NCOR2: variants seen among roughly 807,000 people sequenced by gnomAD.
The protein encoded by NCOR2 is nuclear receptor corepressor 2, also known as CTG repeat protein 26.
NCOR2 carries 81 observed loss-of-function variants against 262.9 expected under a neutral mutation model. That is an observed-to-expected ratio of 0.31 (90% CI 0.26 to 0.37). The LOEUF (loss-of-function observed/expected upper bound fraction) is 0.37. NCOR2 is among the 10% of genes least tolerant of loss of function. NCOR2 has a pLI of 1.00. For missense variants in NCOR2, 3,385 were observed against 3,621.4 expected (o/e 0.93, Z 1.68); for synonymous variants, 1,659 against 1,559.3 (o/e 1.06, Z -1.51).
Position 124,481,395 on chromosome 12 carries a change from C to T in NCOR2, c.411+2201G>A, listed in dbSNP as rs1306982071. Among the ~76,000 whole-genome samples, 1 of 152,174 alleles carries T rather than the reference C, an allele frequency of 6.6e-6. No homozygotes were observed. Among genetic ancestry groups the T allele is most frequent in the Non-Finnish European group, 1.5e-5 (1 of 68,006 alleles). ...GCAGGGCCCCTGTGGCTGAATCTCACACCCCAGGAGGACGTGGTGGGGCTG... is the reference window on the plus strand; with the variant it reads ...GCAGGGCCCCTGTGGCTGAATCTCATACCCCAGGAGGACGTGGTGGGGCTG... On this transcript the variant is annotated intron_variant, in intron 3 of 46. Transcript: ENST00000405201. This position sits in a 1 kb window ranked among gnomAD's most constrained non-coding sequence, Gnocchi z 4.6.
chr12:124,351,422 C>T (rs1272988094), intron 27 of NCOR2, among the ~76,000 whole-genome samples: 1 of 152,208 alleles, frequency 6.6e-6, no homozygotes, highest in African/African-American at 2.4e-5. Context: ...TAACAGCATC[C>T]CTGGCTTCAA....
At chr12:124,415,353 G>A (rs1593435553) in intron 13 of NCOR2, among the ~76,000 whole-genome samples, 2 of 152,368 alleles carry the variant, frequency 1.3e-5, no homozygotes, top group South Asian at 2.1e-4. Flanking sequence ...AGACAGAGAC[G>A]CTCAGCTGGC....
exon 15 of NCOR2, chr12:124,400,562 G>A (rs774588269): frequency 2.5e-6 from 4 of 1,614,238 alleles, no homozygotes; most frequent in South Asian, 1.1e-5. Flanking sequence ...TAGCCATTGA[G>A]CGGGTGATGC....
At chr12:124,480,718 GGGCCAAGCA>G (rs2047408429) in intron 3 of NCOR2, among the ~76,000 whole-genome samples, 25 of 151,908 alleles carry the variant, frequency 1.6e-4, no homozygotes, top group Admixed American at 1.5e-3. Flanking sequence ...AAATGGCCAC[GGGCCAAGCA>G]CCCCCAGGCG....
chr12:124,498,422 G>A (rs1435924484), upstream of NCOR2, among the ~76,000 whole-genome samples: 3 of 152,056 alleles, frequency 2.0e-5, no homozygotes, highest in East Asian at 5.8e-4. Context: ...ACCTACCAAG[G>A]GGTTCCCCCA....
Position 124,325,380 on chromosome 12 carries a change from C to CCCA in NCOR2, c.*21_*22insTGG, listed in dbSNP as rs1555297235. On this transcript the variant is annotated 3_prime_UTR_variant, in exon 47 of 47. Coordinates refer to ENST00000405201, the Ensembl canonical transcript of NCOR2. Reference sequence around the variant, plus strand: ...TGGCTCGCTGGGACCTGACACCGCCCCCCCCCCCGCCCTGTTCTGAGTCAC... The same window carrying CCCA: ...TGGCTCGCTGGGACCTGACACCGCCCCCACCCCCCCCGCCCTGTTCTGAGTCAC... The CCCA allele has an allele frequency of 7.6e-5, 25 of 327,320 alleles. 1 individual carries two copies. Among genetic ancestry groups the CCCA allele is most frequent in the South Asian group, 3.2e-4 (3 of 9,496 alleles). The allele number at this position is 327,320 out of a possible 1,614,324, so 20.3% of individuals were successfully genotyped here. A position where few individuals can be genotyped will look rare whatever the true frequency, so the allele number is the denominator to read the frequency against.
rs538687556 is a variant in NCOR2, at chr12:124,340,530, T to G, written c.5338+72A>C. Reference sequence around the variant, plus strand: ...CTGGGGTGGGAAAGAGAGCAGGGCTTCTGCCCGCCCATCCCCCAGCCGCCT... The same window carrying G: ...CTGGGGTGGGAAAGAGAGCAGGGCTGCTGCCCGCCCATCCCCCAGCCGCCT... On this transcript the variant is annotated intron_variant, in intron 35 of 46. Transcript: ENST00000405201. The G allele has an allele frequency of 4.3e-4, 660 of 1,545,136 alleles. 2 individuals are homozygous for G. The African/African-American group carries it at 8.1e-3, about 19-fold the overall frequency.
intron 1 of NCOR2, among the ~76,000 whole-genome samples, chr12:124,501,064 A>ACGCG (rs770038837): frequency 0.093 from 1,212 of 12,968 alleles, 8 homozygotes; most frequent in Middle Eastern, 0.18. Context: ...GCACGCGCGC[A>ACGCG]CACACACACA....
At chr12:124,442,284 C>A (rs1415348537) in intron 7 of NCOR2, among the ~76,000 whole-genome samples, 2 of 152,176 alleles carry the variant, frequency 1.3e-5, no homozygotes, top group Admixed American at 1.3e-4. Context: ...GCTGGAACTA[C>A]AGGTACATGC....
At chr12:124,445,574 C>T (rs1451934387) in intron 7 of NCOR2, among the ~76,000 whole-genome samples, 2 of 152,180 alleles carry the variant, frequency 1.3e-5, no homozygotes, top group African/African-American at 2.4e-5. Context: ...GACCTCCCAC[C>T]TAGAAGCAAT....
At chr12:124,559,546 T>C (rs2052001423) in intron 1 of NCOR2, among the ~76,000 whole-genome samples, 1 of 152,246 alleles carries the variant, frequency 6.6e-6, no homozygotes, top group Non-Finnish European at 1.5e-5. Flanking sequence ...TATGGAATGC[T>C]GGTGCAGGGG....
chr12:124,433,904 A>ACACACACGCG lies in NCOR2; in HGVS notation c.883-3118_883-3117insCGCGTGTGTG, dbSNP rs1555222717. On this transcript the variant is annotated intron_variant, in intron 8 of 46. Transcript: ENST00000405201. The stretch of plus-strand genomic sequence containing the variant: ...CACACACACACACACACACACGCAC[A>ACACACACGCG]CACACACACAGGGAAAGACTGGAGC... 3.2e-5 allele frequency among the ~76,000 whole-genome samples: 3 copies of ACACACACGCG among 93,896 alleles called. 1 individual carries two copies. Among genetic ancestry groups the ACACACACGCG allele is most frequent in the East Asian group, 6.4e-4 (2 of 3,108 alleles). The allele number at this position is 93,896 out of a possible 152,430, so 61.6% of individuals were successfully genotyped here. A position where few individuals can be genotyped will look rare whatever the true frequency, so the allele number is the denominator to read the frequency against.
At chr12:124,563,616 C>CAA (rs2052140032) in intron 1 of NCOR2, among the ~76,000 whole-genome samples, 1 of 152,248 alleles carries the variant, frequency 6.6e-6, no homozygotes, top group Admixed American at 6.5e-5. Context: ...CTGCAGCTTT[C>CAA]TGGAGCACCA....
intron 1 of NCOR2, among the ~76,000 whole-genome samples, chr12:124,528,630 A>G (rs745744775): frequency 2.6e-5 from 4 of 152,244 alleles, no homozygotes; most frequent in Non-Finnish European, 5.9e-5. Flanking sequence ...CGGAAGGCAC[A>G]GCGTCTCCTC....
At chr12:124,466,402 G>C in intron 4 of NCOR2, 116 bp from the exon 7 acceptor site, 1 of 860,424 alleles carries the variant, frequency 1.2e-6, no homozygotes, top group East Asian at 2.9e-5. Flanking sequence ...CGCACAGGAA[G>C]TCAGGCTGCT....
chr12:124,546,541 AGTATCTGG>A lies in NCOR2; in HGVS notation c.-164-10938_-164-10931del, dbSNP rs1461975130. Among the ~76,000 whole-genome samples, 3 of 150,282 alleles carry A rather than the reference AGTATCTGG, an allele frequency of 2.0e-5. No homozygotes were observed. The East Asian group carries it at 5.8e-4, about 29-fold the overall frequency. ...GTGATTATCCTGCCTCAGCCTCCTG[AGTATCTGG>A]GATTACAGGCGTCTGCCATCACGCT... On this transcript the variant is annotated intron_variant, in intron 1 of 32. Transcript: ENST00000458234.
chr12:124,326,430 C>G, intron 45 of NCOR2, 60 bp from the exon 48 acceptor site: 1 of 1,393,354 alleles, frequency 7.2e-7, no homozygotes, highest in Non-Finnish European at 9.3e-7. Flanking sequence ...ACCGACGCTA[C>G]GGTGGGGCCA....
intron 16 of NCOR2, among the ~76,000 whole-genome samples, chr12:124,390,014 C>T (rs1250415156): frequency 1.3e-5 from 2 of 152,288 alleles, no homozygotes; most frequent in Admixed American, 6.5e-5. Context: ...CCATCCTGCC[C>T]CCTAAAAATC....
intron 1 of NCOR2, among the ~76,000 whole-genome samples, chr12:124,492,181 G>T (rs753039618): frequency 6.6e-6 from 1 of 152,218 alleles, no homozygotes; most frequent in Non-Finnish European, 1.5e-5. Context: ...GGTTCCCCAG[G>T]GGGAAGAGGC....
Sources: gnomAD v4.1 joint callset for allele counts (sites outside exome capture counted in the v4.1 genomes callset) on GRCh38, gnomAD v4.1.1 for gene constraint, Gnocchi (gnomAD v3.1) non-coding constraint, MANE v1.5 for transcripts, NCBI Gene and HGNC (gene_info 2026-07-23, HGNC 2026-07-21) for gene names.